Variants in FOXP2 observed in about 807,000 individuals in gnomAD.
FOXP2 encodes forkhead box P2.
In FOXP2, 12 loss-of-function variants were observed where a neutral mutation model predicts 115.8. That is an observed-to-expected ratio of 0.10 (90% CI 0.07 to 0.17). The LOEUF (loss-of-function observed/expected upper bound fraction) is 0.17, where lower values mean the gene tolerates loss of function less well. Ranked by LOEUF, FOXP2 falls within the 10% of genes least tolerant of loss-of-function variation. FOXP2 has a pLI of 1.00. For synonymous variants in FOXP2, 328 were observed against 297.7 expected (o/e 1.10, Z -1.05); for missense variants, 629 against 843.5 (o/e 0.75, Z 3.15).
chr7:114,359,178 A>G (rs370525861), intron 2 of FOXP2, among the ~76,000 whole-genome samples: 11 of 152,304 alleles, frequency 7.2e-5, no homozygotes, highest in African/African-American at 2.4e-4. Context: ...TTAACAGCTC[A>G]GGTCATTGCT....
intron 3 of FOXP2, among the ~76,000 whole-genome samples, chr7:114,592,716 C>G (rs1312389018): frequency 5.9e-5 from 9 of 151,870 alleles, no homozygotes; most frequent in Non-Finnish European, 2.9e-5. Context: ...ATGAATATTA[C>G]AATAATAAAA....
intron 2 of FOXP2, among the ~76,000 whole-genome samples, chr7:114,465,802 T>C (rs1317599299): frequency 6.6e-6 from 1 of 152,176 alleles, no homozygotes; most frequent in Non-Finnish European, 1.5e-5. Context: ...TAACTTCATT[T>C]TTACCCTCTT....
chr7:114,491,399 G>A (rs1204077675), intron 2 of FOXP2, among the ~76,000 whole-genome samples: 2 of 151,996 alleles, frequency 1.3e-5, no homozygotes, highest in Non-Finnish European at 2.9e-5. Flanking sequence ...GTAGATTCTG[G>A]ATATTAGCCC....
chr7:114,469,045 C>T (rs1017465778), intron 2 of FOXP2, among the ~76,000 whole-genome samples: 1 of 152,106 alleles, frequency 6.6e-6, no homozygotes, highest in African/African-American at 2.4e-5. Context: ...CTTTACAGCT[C>T]CTCCCTTTGG....
chr7:114,402,366 A>C (rs998331037), intron 2 of FOXP2, among the ~76,000 whole-genome samples: 4 of 152,168 alleles, frequency 2.6e-5, no homozygotes, highest in African/African-American at 7.2e-5. Flanking sequence ...CACTGTCAAG[A>C]TGCTTTCAAG....
intron 3 of FOXP2, among the ~76,000 whole-genome samples, chr7:114,597,742 G>A (rs1584937554): frequency 1.3e-5 from 2 of 152,250 alleles, no homozygotes; most frequent in South Asian, 4.1e-4. Context: ...TAGGTTACTG[G>A]AGGCTCTTTG....
At chr7:114,252,957 GC>G (rs1562837770) in intron 1 of FOXP2, among the ~76,000 whole-genome samples, 1 of 152,134 alleles carries the variant, frequency 6.6e-6, no homozygotes, top group African/African-American at 2.4e-5. Flanking sequence ...TCTACACACT[GC>G]TTTAAATGTG....
chr7:114,396,283 C>T (rs1792738048), intron 2 of FOXP2, among the ~76,000 whole-genome samples: 1 of 151,972 alleles, frequency 6.6e-6, no homozygotes, highest in African/African-American at 2.4e-5. Flanking sequence ...TCTGTCTGTG[C>T]CTGGTTTATT....
chr7:114,270,097 C>A (rs1162619316), intron 1 of FOXP2, among the ~76,000 whole-genome samples: 1 of 152,138 alleles, frequency 6.6e-6, no homozygotes, highest in South Asian at 2.1e-4. Flanking sequence ...AATGAGCATT[C>A]TTTCACTTAA....
chr7:114,263,490 G>A (rs1447406867), intron 1 of FOXP2, among the ~76,000 whole-genome samples: 1 of 142,826 alleles, frequency 7.0e-6, no homozygotes, highest in Non-Finnish European at 1.5e-5. Context: ...GTGTTGCTGC[G>A]TTTCCCAGAC....
At chr7:114,508,125 T>A (rs1462757643) in intron 2 of FOXP2, among the ~76,000 whole-genome samples, 1 of 151,990 alleles carries the variant, frequency 6.6e-6, no homozygotes, top group Non-Finnish European at 1.5e-5. Flanking sequence ...AATTAAAGTA[T>A]TAATTTAAAT....
chr7:114,648,904 A>C (rs1032845301), intron 8 of FOXP2, among the ~76,000 whole-genome samples: 2 of 151,948 alleles, frequency 1.3e-5, no homozygotes, highest in African/African-American at 4.8e-5. Context: ...TCTCTGTTTG[A>C]ACTGCAGTCT....
rs146255358 is a variant in FOXP2, at chr7:114,426,794, A to G, written c.168+115A>G. On this transcript the variant is annotated intron_variant, in intron 2 of 16. Transcript: ENST00000350908. ...TGTGTTAAGCTAAAAGATGCTGAGAATTTATTATTATTTGGAACATGATTG... is the reference window on the plus strand; with the variant it reads ...TGTGTTAAGCTAAAAGATGCTGAGAGTTTATTATTATTTGGAACATGATTG... The G allele has an allele frequency of 1.7e-3, 1,886 of 1,093,446 alleles. 22 individuals carry two copies. The African/African-American group carries it at 0.024, about 14-fold the overall frequency. 67.7% of individuals were successfully genotyped at this position (1,093,446 alleles called of 1,614,324 possible). A position where few individuals can be genotyped will look rare whatever the true frequency, so the allele number is the denominator to read the frequency against.
intron 1 of FOXP2, among the ~76,000 whole-genome samples, chr7:114,156,131 A>G (rs150472355): frequency 6.6e-6 from 1 of 150,958 alleles, no homozygotes; most frequent in African/African-American, 2.4e-5. Context: ...CACTCACCCA[A>G]CTCCTGAGAT....
intron 1 of FOXP2, among the ~76,000 whole-genome samples, chr7:114,205,725 C>CCTCACAGACCTCATGGGAGCT (rs1307224727): frequency 6.6e-6 from 1 of 152,072 alleles, no homozygotes; most frequent in Non-Finnish European, 1.5e-5. Flanking sequence ...TCAATGGAGG[C>CCTCACAGACCTCATGGGAGCT]CTCACAGACC....
chr7:114,621,646 T>G (rs1192217019), intron 3 of FOXP2, among the ~76,000 whole-genome samples: 1 of 152,022 alleles, frequency 6.6e-6, no homozygotes, highest in Admixed American at 6.6e-5. Flanking sequence ...TCTGAAATTC[T>G]TCTTCGAAGT....
chr7:114,303,810 GTTAATT>G (rs1243773066), intron 2 of FOXP2, among the ~76,000 whole-genome samples: 1 of 152,088 alleles, frequency 6.6e-6, no homozygotes, highest in Non-Finnish European at 1.5e-5. Flanking sequence ...TGTAAAATAA[GTTAATT>G]TTAAACAAAG....
At chr7:114,264,007 T>C (rs773537626) in intron 1 of FOXP2, among the ~76,000 whole-genome samples, 1 of 152,084 alleles carries the variant, frequency 6.6e-6, no homozygotes, top group African/African-American at 2.4e-5. Context: ...TAGCTTTGCC[T>C]GTTTAGCTTC....
chr7:114,280,489 A>G (rs1274315966), intron 1 of FOXP2, among the ~76,000 whole-genome samples: 6 of 152,100 alleles, frequency 3.9e-5, no homozygotes, highest in Non-Finnish European at 8.8e-5. Context: ...TTACATGTTT[A>G]TGGTTTATGT....
Sources: gnomAD v4.1 joint callset for allele counts (sites outside exome capture counted in the v4.1 genomes callset) on GRCh38, gnomAD v4.1.1 for gene constraint, MANE v1.5 for transcripts, NCBI Gene and HGNC (gene_info 2026-07-23, HGNC 2026-07-21) for gene names.